The following CYP51A1 variants were observed in gnomAD, a reference collection of about 807,000 sequenced individuals.
CYP51A1 encodes cytochrome P450 family 51 subfamily A member 1, also known as lanosterol 14-alpha demethylase.
CYP51A1 carries 45 observed loss-of-function variants against 53.5 expected under a neutral mutation model. The observed-to-expected ratio is 0.84, with a 90% CI of 0.66 to 1.08. CYP51A1 has a LOEUF of 1.08. CYP51A1 is among the 50% of genes least tolerant of loss of function. The probability of loss-of-function intolerance (pLI) is 0.00; values close to 1 mark genes in which losing one functional copy is unlikely to be tolerated. For missense variants in CYP51A1, 462 were observed against 621.7 expected, an observed-to-expected ratio of 0.74 and a Z score of 2.73; for synonymous variants, 181 against 217.7, an observed-to-expected ratio of 0.83 and a Z score of 1.48.
At position 92,123,167 on chromosome 7, in the gene CYP51A1, G is replaced by A. The variant is rs981295706; in HGVS notation, c.1039C>T (p.Gln347Ter). Residue 347 changes from glutamine (Q) to a stop codon, truncating the protein, a stop_gained, in exon 7 of 10, where the codon CAG (glutamine) becomes TAG (stop). Coordinates refer to ENST00000003100, the MANE Select transcript of CYP51A1 (RefSeq NM_000786.4). LOFTEE classifies it high-confidence loss of function. ...KTLQKKCYLE[Q>*]KTVCGENLPP... ...AGATTCTCTCCACAGACTGTTTTCT[G>A]TTCTAAATAACATTTTTTTTGAAGT... The A allele has an allele frequency of 3.7e-6, 6 of 1,613,758 alleles. No individual in the cohort carries two copies. The highest frequency in any genetic ancestry group is 2.2e-5 in the South Asian group (2 of 91,072).
intron 2 of CYP51A1, among the ~76,000 whole-genome samples, chr7:92,129,575 ATT>A (rs1334119909): frequency 6.6e-6 from 1 of 152,134 alleles, no homozygotes; most frequent in Admixed American, 6.5e-5. Context: ...AAATGACTTC[ATT>A]TTTTATTTTA....
chr7:92,132,527 A>G (rs1819944527), intron 1 of CYP51A1, among the ~76,000 whole-genome samples: 1 of 152,116 alleles, frequency 6.6e-6, no homozygotes, highest in Non-Finnish European at 1.5e-5. Flanking sequence ...TGAATTCCCA[A>G]ATGTGGAATT....
At chr7:92,116,974 C>A (rs546743997) in intron 9 of CYP51A1, 70 bp downstream of exon 9, 2 of 1,439,646 alleles carry the variant, frequency 1.4e-6, no homozygotes, top group African/African-American at 1.4e-5. Flanking sequence ...AAACACAATT[C>A]GGAATATTTT....
rs1458879607 is a variant in CYP51A1 at position 92,112,939 on chromosome 7, C to T, written c.*726G>A. ...AAATGTGACCTTGTAGAACTAGATA[C>T]ATATTTATCAGGTAAATAAATATGT... On this transcript the variant is annotated 3_prime_UTR_variant, in exon 10 of 10. Coordinates refer to ENST00000003100, the MANE Select transcript of CYP51A1 (RefSeq NM_000786.4). 1 of 151,244 alleles carries T rather than the reference C, an allele frequency of 6.6e-6. No individual in the cohort carries two copies. The highest frequency in any genetic ancestry group is 1.5e-5 in the Non-Finnish European group (1 of 67,944). The allele number at this position is 151,244 out of a possible 1,614,324, so 9.4% of individuals were successfully genotyped here. A position where few individuals can be genotyped will look rare whatever the true frequency, so the allele number is the denominator to read the frequency against.
intron 8 of CYP51A1, 75 bp downstream of exon 8, chr7:92,118,445 C>G: frequency 1.2e-6 from 1 of 854,058 alleles, no homozygotes; most frequent in Non-Finnish European, 2.0e-6. Flanking sequence ...CAGGTGTGAA[C>G]CACCACACCC....
In CYP51A1 at chr7:92,125,102, C is replaced by A. The variant is rs1182390357; in HGVS notation, c.770+1151G>T. Among the ~76,000 whole-genome samples the A allele has an allele frequency of 3.4e-5, 5 of 148,830 alleles. No homozygotes were observed. The East Asian group carries it at 1.0e-3, about 30-fold the overall frequency. On this transcript the variant is annotated intron_variant, in intron 5 of 9. Coordinates refer to ENST00000003100, the MANE Select transcript of CYP51A1 (RefSeq NM_000786.4). ...GAGCTTGCAGTGAGCCGAGCTCATGCCACTGCACTCCAGCCTGGGCGAGAG... is the reference window on the plus strand; with the variant it reads ...GAGCTTGCAGTGAGCCGAGCTCATGACACTGCACTCCAGCCTGGGCGAGAG...
intron 9 of CYP51A1, among the ~76,000 whole-genome samples, chr7:92,114,730 G>A (rs545193081): frequency 2.6e-5 from 4 of 152,056 alleles, no homozygotes; most frequent in African/African-American, 4.8e-5. Context: ...ATGACTCAGG[G>A]GCTAAGCAAA....
In CYP51A1 at chr7:92,130,503, T is replaced by G. The variant is rs540100304; in HGVS notation, c.291+1271A>C. Among the ~76,000 whole-genome samples the G allele has an allele frequency of 2.2e-4, 33 of 152,372 alleles. No individual in the cohort carries two copies. The South Asian group carries it at 6.8e-3, about 32-fold the overall frequency. ...CCAAGAAGAAATTATATATCCTCTC[T>G]GCTTCTCAGTTTTGTCATCTATAAA... On this transcript the variant is annotated intron_variant, in intron 2 of 9. Coordinates refer to ENST00000003100, the MANE Select transcript of CYP51A1 (RefSeq NM_000786.4).
At chr7:92,129,898 G>C (rs985539475) in intron 2 of CYP51A1, among the ~76,000 whole-genome samples, 1 of 152,018 alleles carries the variant, frequency 6.6e-6, no homozygotes, top group Non-Finnish European at 1.5e-5. Context: ...ATACACAAAG[G>C]CCCTAAAAGT....
chr7:92,126,279 T>C lies in CYP51A1; in HGVS notation c.744A>G (p.Pro248=). The C allele has an allele frequency of 2.5e-6, 4 of 1,604,882 alleles. No homozygotes were observed. Among genetic ancestry groups the C allele is most frequent in the Non-Finnish European group, 3.4e-6 (4 of 1,177,930 alleles). The change falls in exon 5 of 10, where the codon CCA becomes CCG. Residue 248 remains proline (P), a synonymous_variant. Transcript: ENST00000003100. ...TGAAACTAGGCAAAGGCAGCCAACCTGGTAAGAGCCAGGCTGCATGGCTGA... is the reference window on the plus strand; with the variant it reads ...TGAAACTAGGCAAAGGCAGCCAACCCGGTAAGAGCCAGGCTGCATGGCTGA... ...GGFSHAAWLL[P]GWLPLPSFRR...
intron 9 of CYP51A1, among the ~76,000 whole-genome samples, chr7:92,115,778 CAG>C (rs149057881): frequency 0.044 from 6,645 of 152,194 alleles, 196 homozygotes; most frequent in Non-Finnish European, 0.068. Flanking sequence ...TAAAAAGAAA[CAG>C]ATTTCAGCTT....
At chr7:92,122,796 G>C (rs1431724220) in intron 7 of CYP51A1, among the ~76,000 whole-genome samples, 1 of 152,126 alleles carries the variant, frequency 6.6e-6, no homozygotes, top group Non-Finnish European at 1.5e-5. Context: ...TAATTCAGAG[G>C]CTTCTACACT....
intron 5 of CYP51A1, among the ~76,000 whole-genome samples, chr7:92,125,326 C>G (rs1192781737): frequency 5.3e-5 from 8 of 152,036 alleles, no homozygotes; most frequent in Admixed American, 5.2e-4. Flanking sequence ...CTTCCTTTTA[C>G]TCCCACCCCT....
In CYP51A1 at chr7:92,114,244, G is replaced by A. The variant is rs369182676; in HGVS notation, c.1352-401C>T. Among the ~76,000 whole-genome samples, 39 of 152,188 alleles carry A rather than the reference G, an allele frequency of 2.6e-4. No homozygotes were observed. In the East Asian group the frequency reaches 6.8e-3, roughly 26 times the overall value. ...CAAATGTCATTATAAATGTATGGAA[G>A]AAAATGAGATTTAATGAACCCAAAA... is the stretch of plus-strand genomic sequence containing the variant. On this transcript the variant is annotated intron_variant, in intron 9 of 9. Transcript: ENST00000003100.
chr7:92,130,442 T>C (rs2130956757), intron 2 of CYP51A1, among the ~76,000 whole-genome samples: 1 of 152,358 alleles, frequency 6.6e-6, no homozygotes, highest in Admixed American at 6.5e-5. Flanking sequence ...TCAGACCATG[T>C]GTAAATCCTG....
chr7:92,116,693 G>A (rs1263816149), intron 9 of CYP51A1, among the ~76,000 whole-genome samples: 4 of 152,182 alleles, frequency 2.6e-5, no homozygotes, highest in Non-Finnish European at 5.9e-5. Flanking sequence ...CTAGTAATCT[G>A]TTATTCCCTG....
intron 1 of CYP51A1, among the ~76,000 whole-genome samples, chr7:92,132,434 T>G (rs1819942405): frequency 6.6e-6 from 1 of 152,176 alleles, no homozygotes. Flanking sequence ...TTAAACTGTG[T>G]TTTTTTATTT....
At position 92,134,247 on chromosome 7, in the gene CYP51A1, A is replaced by AGGCGATCAGC. The variant is rs1233521650; in HGVS notation, c.108_117dup (p.Cys40AlafsTer53). 6.2e-7 allele frequency: 1 copy of AGGCGATCAGC among 1,613,252 alleles called. No individual in the cohort carries two copies. The highest frequency in any genetic ancestry group is 8.5e-7 in the Non-Finnish European group (1 of 1,179,720). On this transcript the variant is annotated frameshift_variant, in exon 1 of 10. Transcript: ENST00000003100. LOFTEE classifies it high-confidence loss of function. Reference sequence around the variant, plus strand: ...TAGACCAGGCTGAGGGTGAAGGCGCAGGCGATCAGCAGCATGGACAAGAGG... The same window carrying AGGCGATCAGC: ...TAGACCAGGCTGAGGGTGAAGGCGCAGGCGATCAGCGGCGATCAGCAGCATGGACAAGAGG...
At chr7:92,119,471 G>T (rs966080273) in intron 7 of CYP51A1, among the ~76,000 whole-genome samples, 2 of 152,174 alleles carry the variant, frequency 1.3e-5, no homozygotes, top group African/African-American at 4.8e-5. Flanking sequence ...GAGACTGGCT[G>T]TTCAAAGCAC....
Sources: gnomAD v4.1 joint callset for allele counts (sites outside exome capture counted in the v4.1 genomes callset) on GRCh38, gnomAD v4.1.1 for gene constraint, MANE v1.5 for transcripts, NCBI Gene and HGNC (gene_info 2026-07-23, HGNC 2026-07-21) for gene names.